The following EXD2 variants were observed in gnomAD, a reference collection of about 807,000 sequenced individuals.
EXD2 encodes exonuclease 3'-5' domain containing 2.
In EXD2, 40 loss-of-function variants were observed where a neutral mutation model predicts 62.5. That is an observed-to-expected ratio of 0.64 (90% CI 0.50 to 0.83). EXD2 has a LOEUF of 0.83. EXD2 is among the 40% of genes least tolerant of loss of function. The pLI is 0.00. For synonymous variants in EXD2, 239 were observed against 291.9 expected (o/e 0.82, Z 1.85); for missense variants, 671 against 761.8 (o/e 0.88, Z 1.40).
intron 3 of EXD2, among the ~76,000 whole-genome samples, chr14:69,222,922 G>A (rs1315244757): frequency 6.6e-6 from 1 of 152,150 alleles, no homozygotes; most frequent in Non-Finnish European, 1.5e-5. Flanking sequence ...GACATATGGT[G>A]AATTAGAGAA....
Position 69,202,281 on chromosome 14 carries a change from G to A in EXD2, c.-131-1636G>A, listed in dbSNP as rs2042435015. ...GTCCTAGCTACTTGGGGGGGTTGAG[G>A]TGGGAGGATCACTTGAACCCAAGAG... On this transcript the variant is annotated intron_variant, in intron 1 of 9. Transcript: ENST00000685843. Among the ~76,000 whole-genome samples, 3 of 152,084 alleles carry A rather than the reference G, an allele frequency of 2.0e-5. No individual in the cohort carries two copies. In the South Asian group the frequency reaches 6.2e-4, roughly 32 times the overall value.
chr14:69,225,229 C>G (rs1219414180), intron 3 of EXD2, among the ~76,000 whole-genome samples: 1 of 152,210 alleles, frequency 6.6e-6, no homozygotes, highest in Non-Finnish European at 1.5e-5. Context: ...TTAACCTGTT[C>G]CAGCCCAGAA....
chr14:69,198,794 A>C (rs1339706721), intron 1 of EXD2, among the ~76,000 whole-genome samples: 1 of 152,256 alleles, frequency 6.6e-6, no homozygotes, highest in Non-Finnish European at 1.5e-5. Context: ...AGCTGACTAC[A>C]CACCTAGGCT....
intron 3 of EXD2, among the ~76,000 whole-genome samples, chr14:69,215,463 G>A (rs982955246): frequency 1.3e-5 from 2 of 152,132 alleles, no homozygotes; most frequent in Admixed American, 6.5e-5. Context: ...GCACATGCAC[G>A]CACAATTTTA....
chr14:69,233,138 G>A (rs2140022466), intron 5 of EXD2, among the ~76,000 whole-genome samples: 1 of 152,204 alleles, frequency 6.6e-6, no homozygotes, highest in Admixed American at 6.5e-5. Context: ...TTTATCATTA[G>A]AAAATAATGT....
chr14:69,206,637 C>A (rs775297226), intron 2 of EXD2, among the ~76,000 whole-genome samples: 1 of 151,806 alleles, frequency 6.6e-6, no homozygotes, highest in Non-Finnish European at 1.5e-5. Context: ...TGTGCCACCA[C>A]GCCCAGCTAA....
At chr14:69,215,752 T>C (rs1315601028) in intron 3 of EXD2, among the ~76,000 whole-genome samples, 1 of 152,216 alleles carries the variant, frequency 6.6e-6, no homozygotes, top group Non-Finnish European at 1.5e-5. Flanking sequence ...AACATCTTTT[T>C]GTATTTTAAT....
chr14:69,206,635 C>T (rs969418893), intron 2 of EXD2, among the ~76,000 whole-genome samples: 4 of 152,016 alleles, frequency 2.6e-5, no homozygotes, highest in Middle Eastern at 3.4e-3. Context: ...CATGTGCCAC[C>T]ACGCCCAGCT....
At position 69,241,841 on chromosome 14, in the gene EXD2, C is replaced by T. The variant is rs945470496; in HGVS notation, c.*741C>T. On this transcript the variant is annotated 3_prime_UTR_variant, in exon 10 of 10. Coordinates refer to ENST00000685843, the MANE Select transcript of EXD2 (RefSeq NM_001193360.2). ...TCTCCCAATAGAACTTTGAAATTCA[C>T]TCAGCTTTTCCTTTCATGCTGTTTG... is the stretch of plus-strand genomic sequence containing the variant. The T allele has an allele frequency of 4.3e-5, 17 of 398,932 alleles. No homozygotes were observed. The highest frequency in any genetic ancestry group is 2.1e-5 in the African/African-American group (1 of 48,624). The allele number at this position is 398,932 out of a possible 1,614,324, so 24.7% of individuals were successfully genotyped here.
chr14:69,239,714 G>T (rs1377073352), intron 9 of EXD2, among the ~76,000 whole-genome samples: 2 of 152,176 alleles, frequency 1.3e-5, no homozygotes, highest in Non-Finnish European at 2.9e-5. Flanking sequence ...TTGTAGAATA[G>T]ATGTTGTTTT....
chr14:69,215,131 T>C (rs2140254741), intron 3 of EXD2, among the ~76,000 whole-genome samples: 1 of 152,086 alleles, frequency 6.6e-6, no homozygotes, highest in African/African-American at 2.4e-5. Flanking sequence ...CTACTAAAAA[T>C]ACAAAAATTA....
At chr14:69,227,483 G>A (rs2043401755) in intron 3 of EXD2, among the ~76,000 whole-genome samples, 1 of 152,152 alleles carries the variant, frequency 6.6e-6, no homozygotes, top group Non-Finnish European at 1.5e-5. Flanking sequence ...TGTGAGTTTT[G>A]TATGTACATT....
In EXD2 at chr14:69,242,271, A is replaced by G. The variant is rs1397373263; in HGVS notation, c.*1171A>G. ...AAGCTTAAAAAAGAATTTTATGACC[A>G]GAATCCAACAAGAGCTCTATTTTGG... On this transcript the variant is annotated 3_prime_UTR_variant, in exon 10 of 10. Transcript: ENST00000685843. The G allele has an allele frequency of 2.7e-6, 1 of 372,184 alleles. No homozygotes were observed. The highest frequency in any genetic ancestry group is 4.7e-6 in the Non-Finnish European group (1 of 210,750). The allele number at this position is 372,184 out of a possible 1,614,324, so 23.1% of individuals were successfully genotyped here. A position where few individuals can be genotyped will look rare whatever the true frequency, so the allele number is the denominator to read the frequency against.
intron 3 of EXD2, among the ~76,000 whole-genome samples, chr14:69,210,729 G>C (rs1196664562): frequency 3.3e-5 from 5 of 152,060 alleles, no homozygotes; most frequent in Non-Finnish European, 5.9e-5. Context: ...AGGATTGCTT[G>C]AGCCCAGGAG....
chr14:69,238,236 TAC>T (rs779247648), intron 9 of EXD2, among the ~76,000 whole-genome samples: 1 of 152,208 alleles, frequency 6.6e-6, no homozygotes, highest in Non-Finnish European at 1.5e-5. Flanking sequence ...AGCTGCATCT[TAC>T]ACATTCTATG....
chr14:69,223,666 C>A (rs891122632), intron 3 of EXD2, among the ~76,000 whole-genome samples: 1 of 152,150 alleles, frequency 6.6e-6, no homozygotes, highest in South Asian at 2.1e-4. Flanking sequence ...TTGCCCTTCT[C>A]CTGAGGCAGG....
In EXD2 at chr14:69,234,716, G is replaced by A. The variant is rs1296358685; in HGVS notation, c.734G>A (p.Arg245Lys). 1.9e-6 allele frequency: 3 copies of A among 1,612,322 alleles called. No individual in the cohort carries two copies. The highest frequency in any genetic ancestry group is 2.5e-6 in the Non-Finnish European group (3 of 1,179,030). The change falls in exon 6 of 10, where the codon AGG (arginine) becomes AAG (lysine). Residue 245 changes from arginine (R) to lysine (K), a missense_variant. Physicochemically the swap from Arg to Lys is conservative, Grantham distance 26. Coordinates refer to ENST00000685843, the MANE Select transcript of EXD2 (RefSeq NM_001193360.2). ...LTEDQVIYAA[R>K]DAQISVALFL... ...TCTCTTCAGGTAATTTATGCTGCCA[G>A]GGATGCCCAGATTTCAGTGGCTCTC...
At chr14:69,223,829 A>T (rs1391744160) in intron 3 of EXD2, among the ~76,000 whole-genome samples, 1 of 152,176 alleles carries the variant, frequency 6.6e-6, no homozygotes, top group African/African-American at 2.4e-5. Context: ...CTGTAGACCC[A>T]GTGTATTAGT....
At position 69,206,455 on chromosome 14, in the gene EXD2, C is replaced by CCTTTTTTTTTTTTTTTTTTTTT. The variant is rs60787528; in HGVS notation, c.-48+2455_-48+2456insCTTTTTTTTTTTTTTTTTTTTT. ...CCCAGCTTCATCTCCCACCCACCCACTTTTTTTTTTTTTTTTTTTTTTTTT... is the reference window on the plus strand; with the variant it reads ...CCCAGCTTCATCTCCCACCCACCCACCTTTTTTTTTTTTTTTTTTTTTTTTTTTTTTTTTTTTTTTTTTTTTT... On this transcript the variant is annotated intron_variant, in intron 2 of 9. Transcript: ENST00000685843. Among the ~76,000 whole-genome samples, 66 of 94,644 alleles carry CCTTTTTTTTTTTTTTTTTTTTT rather than the reference C, an allele frequency of 7.0e-4. 22 individuals carry two copies. Among genetic ancestry groups the CCTTTTTTTTTTTTTTTTTTTTT allele is most frequent in the Middle Eastern group, 5.8e-3 (1 of 172 alleles). 62.1% of individuals were successfully genotyped at this position (94,644 alleles called of 152,430 possible).
Sources: allele counts gnomAD v4.1 joint callset (sites outside exome capture counted in the v4.1 genomes callset), GRCh38; gene constraint gnomAD v4.1.1; transcripts MANE v1.5; gene names NCBI Gene and HGNC (gene_info 2026-07-23, HGNC 2026-07-21).